The following PRKAG2 variants were observed in gnomAD, a reference collection of about 807,000 sequenced individuals.
PRKAG2 encodes protein kinase AMP-activated non-catalytic subunit gamma 2.
In PRKAG2, 26 loss-of-function variants were observed where a neutral mutation model predicts 69.6. That is an observed-to-expected ratio of 0.37 (90% CI 0.27 to 0.52). PRKAG2 has a LOEUF of 0.52. Among genes scored for constraint, PRKAG2 ranks in the 20% least tolerant of loss-of-function variants. PRKAG2 has a pLI of 0.90. For missense variants in PRKAG2, 557 were observed against 740.0 expected (o/e 0.75, Z 2.87); for synonymous variants, 293 against 285.0 (o/e 1.03, Z -0.28).
In PRKAG2 at chr7:151,814,913, G is replaced by A. The variant is rs903531677; in HGVS notation, c.115-28372C>T. On this transcript the variant is annotated intron_variant, in intron 1 of 15. Transcript: ENST00000287878. This position sits in a 1 kb window ranked among gnomAD's most constrained non-coding sequence, Gnocchi z 4.8. ...GCCAGCAGGAGGGAGGGCTGGACCG[G>A]AGCTTTTAAAAAGACAGGCAGCAGG... is the stretch of plus-strand genomic sequence containing the variant. 4.1e-6 allele frequency: 5 copies of A among 1,224,564 alleles called. No homozygotes were observed. Among genetic ancestry groups the A allele is most frequent in the African/African-American group, 1.6e-5 (1 of 64,268 alleles). The allele number at this position is 1,224,564 out of a possible 1,614,324, so 75.9% of individuals were successfully genotyped here. A position where few individuals can be genotyped will look rare whatever the true frequency, so the allele number is the denominator to read the frequency against.
chr7:151,579,474 T>C (rs1246871351), intron 6 of PRKAG2, among the ~76,000 whole-genome samples: 1 of 152,194 alleles, frequency 6.6e-6, no homozygotes, highest in East Asian at 1.9e-4. Context: ...AGTTCTGAGT[T>C]TGGCATAATG....
intron 3 of PRKAG2, among the ~76,000 whole-genome samples, chr7:151,710,569 A>T (rs1277332759): frequency 6.6e-6 from 1 of 152,168 alleles, no homozygotes; most frequent in Non-Finnish European, 1.5e-5. Flanking sequence ...CCTCCCCGGG[A>T]GCCCTGCCCT....
intron 4 of PRKAG2, among the ~76,000 whole-genome samples, chr7:151,649,611 G>T (rs1828129739): frequency 6.6e-6 from 1 of 152,136 alleles, no homozygotes; most frequent in Non-Finnish European, 1.5e-5. Context: ...GGTTTCTCAT[G>T]AATGGTTTAG....
intron 1 of PRKAG2, among the ~76,000 whole-genome samples, chr7:151,855,646 A>G (rs1368118208): frequency 6.7e-6 from 1 of 149,566 alleles, no homozygotes; most frequent in East Asian, 2.0e-4. Flanking sequence ...CCTTCCACAC[A>G]TACCACTGCA....
chr7:151,769,761 C>T (rs754185624), intron 3 of PRKAG2, among the ~76,000 whole-genome samples: 4 of 152,158 alleles, frequency 2.6e-5, no homozygotes, highest in Admixed American at 6.5e-5. Flanking sequence ...GGCGGAAACA[C>T]GAGGTGGGCA....
chr7:151,707,640 C>T (rs1385035383), intron 3 of PRKAG2, among the ~76,000 whole-genome samples: 1 of 152,190 alleles, frequency 6.6e-6, no homozygotes, highest in Non-Finnish European at 1.5e-5. Flanking sequence ...CAAATGCAGC[C>T]ATCTGATGTC....
At position 151,696,260 on chromosome 7, in the gene PRKAG2, C is replaced by T. The variant is rs113235893; in HGVS notation, c.467-20623G>A. On this transcript the variant is annotated intron_variant, in intron 3 of 15. Coordinates refer to ENST00000287878, the MANE Select transcript of PRKAG2 (RefSeq NM_016203.4). ...AGCTCACAGCACTTTCAGAGGAAAA[C>T]GTGGCGCGCCCGGGGCCTTCTCACA... Among the ~76,000 whole-genome samples, 552 of 152,350 alleles carry T rather than the reference C, an allele frequency of 3.6e-3. 3 individuals are homozygous for T. Among genetic ancestry groups the T allele is most frequent in the African/African-American group, 0.013 (520 of 41,576 alleles).
intron 15 of PRKAG2, chr7:151,558,450 C>T: frequency 1.0e-6 from 1 of 985,186 alleles, no homozygotes; most frequent in South Asian, 4.7e-5. Context: ...GGGCCTGTAT[C>T]AGCCGGCTCC....
At chr7:151,669,966 G>A (rs1585636579) in intron 4 of PRKAG2, among the ~76,000 whole-genome samples, 5 of 122,546 alleles carry the variant, frequency 4.1e-5, no homozygotes, top group East Asian at 2.7e-4. Flanking sequence ...TCACACACCT[G>A]CACACACCTG....
chr7:151,658,273 G>A (rs1166623149), intron 4 of PRKAG2, among the ~76,000 whole-genome samples: 1 of 151,396 alleles, frequency 6.6e-6, no homozygotes, highest in Non-Finnish European at 1.5e-5. Flanking sequence ...GGATCATGAG[G>A]TCAGGAGTTT....
chr7:151,854,999 G>GCC (rs1563756406), intron 1 of PRKAG2, among the ~76,000 whole-genome samples: 5,246 of 15,898 alleles, frequency 0.33, 675 homozygotes, highest in East Asian at 0.49. Context: ...CACACACCAT[G>GCC]CTCCACACAC....
At chr7:151,817,837 T>G (rs532482058) in intron 1 of PRKAG2, among the ~76,000 whole-genome samples, 1 of 152,306 alleles carries the variant, frequency 6.6e-6, no homozygotes, top group Non-Finnish European at 1.5e-5. Flanking sequence ...ATCAAAGTGA[T>G]GTTCCCCTCC....
At chr7:151,630,113 T>C (rs754955589) in intron 5 of PRKAG2, among the ~76,000 whole-genome samples, 27 of 152,280 alleles carry the variant, frequency 1.8e-4, no homozygotes, top group Non-Finnish European at 3.5e-4. Context: ...GGATTCGGTG[T>C]GCTTTAAAGG....
At chr7:151,685,098 G>A (rs930374396) in intron 3 of PRKAG2, among the ~76,000 whole-genome samples, 6 of 152,132 alleles carry the variant, frequency 3.9e-5, no homozygotes, top group African/African-American at 9.7e-5. Context: ...TACACAGAGC[G>A]GGCCTGCCTG....
At chr7:151,804,878 C>T (rs921463562) in intron 1 of PRKAG2, among the ~76,000 whole-genome samples, 5 of 152,170 alleles carry the variant, frequency 3.3e-5, no homozygotes, top group African/African-American at 7.2e-5. Context: ...AAAACCAGAG[C>T]TCCAGGAGTT....
intron 1 of PRKAG2, among the ~76,000 whole-genome samples, chr7:151,829,928 G>T (rs1405587357): frequency 6.6e-6 from 1 of 151,686 alleles, no homozygotes; most frequent in Non-Finnish European, 1.5e-5. Context: ...AGACCGAGGC[G>T]CAGACACCCC....
At chr7:151,674,407 C>A (rs574991153) in intron 4 of PRKAG2, among the ~76,000 whole-genome samples, 3 of 152,146 alleles carry the variant, frequency 2.0e-5, no homozygotes, top group Non-Finnish European at 4.4e-5. Context: ...CAGTGACATG[C>A]GACACTAATG....
intron 15 of PRKAG2, chr7:151,558,443 C>A: frequency 1.0e-6 from 1 of 985,226 alleles, no homozygotes; most frequent in Non-Finnish European, 1.2e-6. Context: ...GGGAGACGGG[C>A]CTGTATCAGC....
rs139081534 is a variant in PRKAG2, at chr7:151,584,924, A to G, written c.865-8472T>C. On this transcript the variant is annotated intron_variant, in intron 6 of 15. Coordinates refer to ENST00000287878, the MANE Select transcript of PRKAG2 (RefSeq NM_016203.4). ...AAATAAATAAATAAATAAAAATTCT[A>G]AAAAAGAAACAACGCAAGGACCAGA... Among the ~76,000 whole-genome samples, 218 of 152,202 alleles carry G rather than the reference A, an allele frequency of 1.4e-3. 1 individual carries two copies. The highest frequency in any genetic ancestry group is 5.2e-3 in the African/African-American group (214 of 41,520).
Sources: gnomAD v4.1 joint callset for allele counts (sites outside exome capture counted in the v4.1 genomes callset) on GRCh38, gnomAD v4.1.1 for gene constraint, Gnocchi (gnomAD v3.1) non-coding constraint, MANE v1.5 for transcripts, NCBI Gene and HGNC (gene_info 2026-07-23, HGNC 2026-07-21) for gene names.